Variants in TRAPPC9 observed in about 807,000 individuals in gnomAD.
TRAPPC9 encodes the protein trafficking protein particle complex subunit 9, also known as IKK2 binding protein.
Under a neutral mutation model 124.0 loss-of-function variants are expected in TRAPPC9, and 83 were observed. The ratio of observed to expected loss-of-function variants is 0.67; its 90% CI spans 0.56 to 0.80. The LOEUF is 0.80. TRAPPC9 is among the 30% of genes least tolerant of loss of function. TRAPPC9 has a pLI of 0.00. For synonymous variants in TRAPPC9, 638 were observed against 617.5 expected, an observed-to-expected ratio of 1.03 and a Z score of -0.49; for missense variants, 1,302 against 1,508.3, an observed-to-expected ratio of 0.86 and a Z score of 2.27.
intron 16 of TRAPPC9, among the ~76,000 whole-genome samples, chr8:140,244,267 C>T (rs1212911952): frequency 6.6e-6 from 1 of 152,182 alleles, no homozygotes. Context: ...AATCATTCCA[C>T]CTTCCTGGGA....
chr8:139,957,349 C>G (rs1217064296), intron 19 of TRAPPC9, among the ~76,000 whole-genome samples: 1 of 152,240 alleles, frequency 6.6e-6, no homozygotes, highest in Admixed American at 6.5e-5. Context: ...CGGAGGGGAA[C>G]AGCAGGCAAC....
intron 16 of TRAPPC9, among the ~76,000 whole-genome samples, chr8:140,243,923 G>A (rs970844232): frequency 2.6e-5 from 4 of 152,246 alleles, no homozygotes; most frequent in Admixed American, 6.5e-5. Context: ...GCAGCCTAGC[G>A]AGCTTTGCAG....
intron 19 of TRAPPC9, among the ~76,000 whole-genome samples, chr8:139,941,193 C>A (rs79355806): frequency 0.039 from 6,000 of 152,314 alleles, 170 homozygotes; most frequent in Middle Eastern, 0.13. Context: ...GCATCCTCCC[C>A]GGCCCTCAGC....
rs933723028 is a variant in TRAPPC9, at chr8:140,063,746, A to T, written c.2557-39667T>A. Among the ~76,000 whole-genome samples, 7 of 152,270 alleles carry T rather than the reference A, an allele frequency of 4.6e-5. No homozygotes were observed. The South Asian group carries it at 1.2e-3, about 27-fold the overall frequency. ...TTGAGGAATTGCTCTGTGTTTCCTT[A>T]AGAGCGGGACTTGCGGGCGGGGTAT... On this transcript the variant is annotated intron_variant, in intron 17 of 22. Coordinates refer to ENST00000438773, the MANE Select transcript of TRAPPC9 (RefSeq NM_001160372.4). The surrounding 1 kb of genome is among the most constrained non-coding windows in gnomAD (Gnocchi z 4.3).
intron 5 of TRAPPC9, among the ~76,000 whole-genome samples, chr8:140,418,348 T>C (rs1337298939): frequency 6.6e-6 from 1 of 152,194 alleles, no homozygotes; most frequent in Non-Finnish European, 1.5e-5. Flanking sequence ...ACCAATTCAT[T>C]ATATGAGGCT....
chr8:140,458,526 C>G (rs144294636), upstream of TRAPPC9: 8 of 1,583,576 alleles, frequency 5.1e-6, no homozygotes, highest in East Asian at 7.0e-5. Flanking sequence ...CCGGCTTCCC[C>G]CTGTGTGGCG....
rs1471748605 is a variant in TRAPPC9 at position 139,776,189 on chromosome 8, C to T, written c.3056-43987G>A. ...GACCCAGCCTCAGTCTCTGGGCTCC[C>T]CGACAGGGTTCCTTCCATCCTGCAG... On this transcript the variant is annotated intron_variant, in intron 21 of 22. Coordinates refer to ENST00000438773, the MANE Select transcript of TRAPPC9 (RefSeq NM_001160372.4). The surrounding 1 kb of genome is among the most constrained non-coding windows in gnomAD (Gnocchi z 4.1). 2.0e-5 allele frequency among the ~76,000 whole-genome samples: 3 copies of T among 152,196 alleles called. No homozygotes were observed. Among genetic ancestry groups the T allele is most frequent in the Non-Finnish European group, 4.4e-5 (3 of 68,034 alleles).
At chr8:140,062,972 G>T (rs902419665) in intron 17 of TRAPPC9, among the ~76,000 whole-genome samples, 8 of 116,640 alleles carry the variant, frequency 6.9e-5, no homozygotes, top group African/African-American at 2.2e-4. Context: ...TAGCATGCCT[G>T]GGGAAGCCTC....
At chr8:139,736,140 C>G (rs1476190549) in intron 21 of TRAPPC9, among the ~76,000 whole-genome samples, 1 of 152,152 alleles carries the variant, frequency 6.6e-6, no homozygotes, top group African/African-American at 2.4e-5. Flanking sequence ...CCAGCCAGAG[C>G]GAGCACTCCT....
chr8:140,191,394 C>T (rs62529301), intron 17 of TRAPPC9, among the ~76,000 whole-genome samples: 21,693 of 152,148 alleles, frequency 0.14, 2,036 homozygotes, highest in South Asian at 0.38. Context: ...ATGTAATCCC[C>T]GGTATTGGAG....
At chr8:140,449,071 G>C (rs62527784) in intron 2 of TRAPPC9, among the ~76,000 whole-genome samples, 13,062 of 152,298 alleles carry the variant, frequency 0.086, 616 homozygotes, top group African/African-American at 0.11. Flanking sequence ...AAGCACCACA[G>C]GCAGGTGCGA....
intron 19 of TRAPPC9, among the ~76,000 whole-genome samples, chr8:139,937,485 G>A (rs1175613736): frequency 6.6e-5 from 10 of 152,272 alleles, no homozygotes; most frequent in African/African-American, 2.2e-4. Context: ...AAGGCGCTGC[G>A]GGGACAGCGC....
In TRAPPC9 at chr8:140,111,624, A is replaced by G. The variant is rs1008308781; in HGVS notation, c.2557-87545T>C. Among the ~76,000 whole-genome samples the G allele has an allele frequency of 5.9e-5, 9 of 152,376 alleles. No individual in the cohort carries two copies. The South Asian group carries it at 6.2e-4, about 11-fold the overall frequency. On this transcript the variant is annotated intron_variant, in intron 17 of 22. Coordinates refer to ENST00000438773, the MANE Select transcript of TRAPPC9 (RefSeq NM_001160372.4). Reference sequence around the variant, plus strand: ...TACAAACCTGAGTGCATATGCTCACATTTCTCAGGGATGAGAGTCATGCAT... The same window carrying G: ...TACAAACCTGAGTGCATATGCTCACGTTTCTCAGGGATGAGAGTCATGCAT...
At chr8:140,066,504 T>C (rs534459259) in intron 17 of TRAPPC9, among the ~76,000 whole-genome samples, 1 of 152,206 alleles carries the variant, frequency 6.6e-6, no homozygotes, top group Non-Finnish European at 1.5e-5. Context: ...TGATATGAGC[T>C]GGGGCAAGAC....
chr8:140,132,381 G>C (rs2061224421), intron 17 of TRAPPC9, among the ~76,000 whole-genome samples: 1 of 152,144 alleles, frequency 6.6e-6, no homozygotes, highest in Admixed American at 6.5e-5. Context: ...ATTTGCCAGA[G>C]GCGTTTGTAA....
intron 17 of TRAPPC9, among the ~76,000 whole-genome samples, chr8:140,062,632 C>T (rs888407296): frequency 1.3e-5 from 2 of 152,150 alleles, no homozygotes; most frequent in Non-Finnish European, 2.9e-5. Flanking sequence ...ACAGCACCTG[C>T]CACCAGCCAC....
intron 9 of TRAPPC9, among the ~76,000 whole-genome samples, chr8:140,329,456 C>T (rs556803010): frequency 3.3e-5 from 5 of 152,280 alleles, no homozygotes; most frequent in South Asian, 2.1e-4. Flanking sequence ...CAAGCACACA[C>T]GACAACGGTC....
chr8:140,112,522 A>G (rs1365973262), intron 17 of TRAPPC9, among the ~76,000 whole-genome samples: 6 of 152,194 alleles, frequency 3.9e-5, no homozygotes, highest in Non-Finnish European at 7.3e-5. Flanking sequence ...AGAGCTCCCG[A>G]CCAGTAAGCC....
At chr8:140,330,876 C>T (rs561864117) in intron 9 of TRAPPC9, among the ~76,000 whole-genome samples, 54 of 151,848 alleles carry the variant, frequency 3.6e-4, no homozygotes, top group African/African-American at 1.2e-3. Flanking sequence ...CAGACTGCCC[C>T]AAAATGAAAA....
Sources: allele counts gnomAD v4.1 joint callset (sites outside exome capture counted in the v4.1 genomes callset), GRCh38; gene constraint gnomAD v4.1.1; non-coding constraint Gnocchi (gnomAD v3.1); transcripts MANE v1.5; gene names NCBI Gene and HGNC (gene_info 2026-07-23, HGNC 2026-07-21).